The following MALAT1 variants were observed in gnomAD, a reference collection of about 807,000 sequenced individuals.
The protein encoded by MALAT1 is metastasis associated lung adenocarcinoma transcript 1, also known as hepcarcin.
At chr11:65,499,015 T>A (rs372517124) in exon 3 of MALAT1, 1 of 518,770 alleles carries the variant, frequency 1.9e-6, no homozygotes, top group Non-Finnish European at 3.8e-6. Context: ...GTTCTCCGTC[T>A]ATAAATACGC....
At chr11:65,504,714 A>C in intron 3 of MALAT1, 1 of 519,004 alleles carries the variant, frequency 1.9e-6, no homozygotes, top group Non-Finnish European at 3.8e-6. Flanking sequence ...GTCTTCAAGA[A>C]ATTAAACTGG....
intron 1 of MALAT1, chr11:65,498,189 T>C (rs763292309): frequency 9.6e-6 from 5 of 518,812 alleles, no homozygotes. Context: ...CCAAGGTCTC[T>C]GTGTCTTCGG....
At chr11:65,497,977 T>G (rs1481888193) in intron 1 of MALAT1, 1 of 518,778 alleles carries the variant, frequency 1.9e-6, no homozygotes, top group African/African-American at 1.9e-5. Context: ...TTCCAGGTGG[T>G]GGTATTTAGA....
chr11:65,505,273 C>G (rs1274495392), intron 3 of MALAT1: 3 of 518,728 alleles, frequency 5.8e-6, no homozygotes, highest in East Asian at 1.1e-4. Flanking sequence ...GCGCTATTAT[C>G]CTAAGGTCAA....
chr11:65,498,231 T>G (rs1028907386), intron 1 of MALAT1: 3 of 518,768 alleles, frequency 5.8e-6, no homozygotes, highest in Admixed American at 1.9e-5. Context: ...TGGTCTACTT[T>G]AAAAGGCCAC....
At chr11:65,503,987 G>T (rs758368230) in intron 3 of MALAT1, 29 of 516,738 alleles carry the variant, frequency 5.6e-5, no homozygotes, top group Middle Eastern at 6.3e-4. Flanking sequence ...ACAGTGATTA[G>T]AGTAATACTT....
At chr11:65,498,062 AGAAGGTCT>A (rs1291150948) in intron 1 of MALAT1, 1 of 518,852 alleles carries the variant, frequency 1.9e-6, no homozygotes, top group Non-Finnish European at 3.8e-6. Context: ...GCTCCGGTTC[AGAAGGTCT>A]GAAGCTCATA....
intron 1 of MALAT1, chr11:65,497,909 T>G (rs1854425356): frequency 3.9e-6 from 2 of 518,476 alleles, no homozygotes; most frequent in African/African-American, 1.9e-5. Context: ...TTTCCCAGAG[T>G]CCTTGGGACG....
intron 3 of MALAT1, chr11:65,505,185 A>G (rs1474702058): frequency 3.9e-6 from 2 of 518,690 alleles, no homozygotes; most frequent in East Asian, 5.4e-5. Flanking sequence ...AAGATTTTTC[A>G]GGTACCCCTC....
At chr11:65,499,326 T>G in exon 3 of MALAT1, 1 of 504,024 alleles carries the variant, frequency 2.0e-6, no homozygotes, top group Non-Finnish European at 4.0e-6. Context: ...AGCTTCTTCA[T>G]GGAGTAAAAA....
exon 3 of MALAT1, chr11:65,499,263 C>T (rs369016107): frequency 2.3e-5 from 12 of 513,630 alleles, no homozygotes; most frequent in African/African-American, 1.4e-4. Context: ...AGAAGAGTAG[C>T]ATGAGGAAGG....
chr11:65,500,567 G>C lies in MALAT1; in HGVS notation n.1830G>C, dbSNP rs767432144. ...AGTGCGATTTGGTGAAGGAAGCTAG[G>C]AAGAAGGAAGGAGCGCTAACGATTT... On this transcript the variant is annotated non_coding_transcript_exon_variant, in exon 3 of 4. Coordinates refer to ENST00000619449, the Ensembl canonical transcript of MALAT1. The C allele has an allele frequency of 7.3e-5, 38 of 518,822 alleles. 1 individual carries two copies. Among genetic ancestry groups the C allele is most frequent in the South Asian group, 5.3e-4 (38 of 71,592 alleles). 32.1% of individuals were successfully genotyped at this position (518,822 alleles called of 1,614,324 possible).
chr11:65,505,942 A>G (rs1358106205), intron 3 of MALAT1: 1 of 436,660 alleles, frequency 2.3e-6, no homozygotes, highest in South Asian at 1.7e-5. Flanking sequence ...CTCTGCTAAG[A>G]CTTTTTCAGG....
At chr11:65,503,685 A>G in exon 3 of MALAT1, 1 of 517,046 alleles carries the variant, frequency 1.9e-6, no homozygotes, top group Non-Finnish European at 3.9e-6. Context: ...TCTGTAGTTC[A>G]GTGTTGGGGC....
At chr11:65,502,461 G>A (rs1379284522) in exon 3 of MALAT1, 1 of 497,834 alleles carries the variant, frequency 2.0e-6, no homozygotes. Flanking sequence ...CTTTTCCATT[G>A]TTTAACTGCA....
chr11:65,499,304 A>C (rs1199650859), exon 3 of MALAT1: 1 of 511,438 alleles, frequency 2.0e-6, no homozygotes, highest in African/African-American at 1.9e-5. Context: ...AACATGACGG[A>C]GGTTGAGATG....
chr11:65,500,408 A>G (rs778565278), exon 3 of MALAT1: 14 of 518,990 alleles, frequency 2.7e-5, no homozygotes, highest in Admixed American at 2.3e-4. Context: ...GGTGCTACAC[A>G]GAAGTGGATT....
chr11:65,504,560 A>T, intron 3 of MALAT1: 1 of 518,966 alleles, frequency 1.9e-6, no homozygotes, highest in East Asian at 5.4e-5. Context: ...CGTATTTGTG[A>T]TTGAAGCTGA....
exon 3 of MALAT1, chr11:65,500,798 TC>T (rs749842391): frequency 7.5e-5 from 39 of 518,902 alleles, no homozygotes; most frequent in Non-Finnish European, 1.3e-4. Context: ...ATGTTGTTTT[TC>T]TGGAACTTAC....
Sources: allele counts gnomAD v4.1 joint callset, GRCh38; gene constraint gnomAD v4.1.1; transcripts MANE v1.5; gene names NCBI Gene and HGNC (gene_info 2026-07-23, HGNC 2026-07-21).